The following KRAS variants were observed in gnomAD, a reference collection of about 807,000 sequenced individuals.
The protein encoded by KRAS is KRas proto-oncogene, GTPase.
Under a neutral mutation model 21.0 loss-of-function variants are expected in KRAS, and 1 was observed. The observed-to-expected ratio is 0.05, with a 90% CI of 0.02 to 0.23. The LOEUF (loss-of-function observed/expected upper bound fraction) is 0.23. Ranked by LOEUF, KRAS falls within the 10% of genes least tolerant of loss-of-function variation. The probability of loss-of-function intolerance (pLI) is 1.00; values close to 1 mark genes in which losing one functional copy is unlikely to be tolerated. For missense variants in KRAS, 107 were observed against 221.8 expected, an observed-to-expected ratio of 0.48 and a Z score of 3.29; for synonymous variants, 67 against 72.5, an observed-to-expected ratio of 0.92 and a Z score of 0.39.
chr12:25,206,772 C>T lies in KRAS; in HGVS notation c.*3023G>A, dbSNP rs759132522. 5 of 196,376 alleles carry T rather than the reference C, an allele frequency of 2.5e-5. No homozygotes were observed. Among genetic ancestry groups the T allele is most frequent in the Non-Finnish European group, 4.2e-5 (4 of 94,848 alleles). 12.2% of individuals were successfully genotyped at this position (196,376 alleles called of 1,614,324 possible). On this transcript the variant is annotated 3_prime_UTR_variant, in exon 5 of 5. Transcript: ENST00000311936. Reference sequence around the variant, plus strand: ...CTTGTCTGTGAACTAGTTCAGGCACCTGTTTATTTGTACCCAGATAAAACT... The same window carrying T: ...CTTGTCTGTGAACTAGTTCAGGCACTTGTTTATTTGTACCCAGATAAAACT...
At chr12:25,221,242 T>C (rs117735185) in intron 4 of KRAS, among the ~76,000 whole-genome samples, 7,016 of 151,526 alleles carry the variant, frequency 0.046, 232 homozygotes, top group Non-Finnish European at 0.072. Flanking sequence ...GCCTTTTTTT[T>C]TTTTTTTTGA....
chr12:25,227,929 C>T (rs1004538429), intron 2 of KRAS, among the ~76,000 whole-genome samples: 3 of 151,994 alleles, frequency 2.0e-5, no homozygotes, highest in Admixed American at 1.3e-4. Flanking sequence ...TTATAATACC[C>T]AAAATGTGGA....
intron 1 of KRAS, among the ~76,000 whole-genome samples, chr12:25,247,293 A>C (rs1951696776): frequency 6.6e-6 from 1 of 152,200 alleles, no homozygotes; most frequent in Non-Finnish European, 1.5e-5. Context: ...CAAAATAATA[A>C]TTTGGTTTCC....
At chr12:25,234,076 A>G (rs1951512834) in intron 2 of KRAS, 1 of 180,894 alleles carries the variant, frequency 5.5e-6, no homozygotes, top group Non-Finnish European at 1.2e-5. Context: ...TTAGAAAAAC[A>G]AGCACATGTT....
chr12:25,250,074 G>A (rs547747610), intron 1 of KRAS, among the ~76,000 whole-genome samples: 6 of 152,184 alleles, frequency 3.9e-5, no homozygotes, highest in Admixed American at 1.3e-4. Flanking sequence ...ATGGGGGAGG[G>A]GAGCATTCAG....
chr12:25,246,131 G>T (rs1372412537), intron 1 of KRAS, among the ~76,000 whole-genome samples: 1 of 121,960 alleles, frequency 8.2e-6, no homozygotes, highest in Non-Finnish European at 1.6e-5. Flanking sequence ...CCTGGCGATA[G>T]AGCAAGACTC....
intron 2 of KRAS, 110 bp from the exon 3 acceptor site, chr12:25,227,522 C>A: frequency 1.1e-6 from 1 of 917,192 alleles, no homozygotes; most frequent in Non-Finnish European, 1.7e-6. Context: ...GGGCAAAGGA[C>A]TTGAAAAGAC....
Position 25,209,436 on chromosome 12 carries a change from G to C in KRAS, c.*359C>G. 2.8e-6 allele frequency: 3 copies of C among 1,071,438 alleles called. No individual in the cohort carries two copies. The allele number at this position is 1,071,438 out of a possible 1,614,324, so 66.4% of individuals were successfully genotyped here. On this transcript the variant is annotated 3_prime_UTR_variant, in exon 5 of 5. Coordinates refer to ENST00000311936, the MANE Select transcript of KRAS (RefSeq NM_004985.5). The stretch of plus-strand genomic sequence containing the variant: ...CATTTATGTGACTAGATAAAACACA[G>C]AATAGGGATGATTCAAAAGCTTCAT...
Position 25,209,571 on chromosome 12 carries a change from C to T in KRAS, c.*224G>A. ...TCTTAGGTATTCAGTTTCTTTTTCA[C>T]AGGCATTGCTAGTTCAAAAACCAAA... On this transcript the variant is annotated 3_prime_UTR_variant, in exon 5 of 5. Transcript: ENST00000311936. The T allele has an allele frequency of 7.5e-7, 1 of 1,329,128 alleles. No homozygotes were observed. The highest frequency in any genetic ancestry group is 9.6e-7 in the Non-Finnish European group (1 of 1,043,018). The allele number at this position is 1,329,128 out of a possible 1,614,324, so 82.3% of individuals were successfully genotyped here.
rs77870312 is a variant in KRAS, at chr12:25,230,869, T to G, written c.112-3457A>C. Among the ~76,000 whole-genome samples the G allele has an allele frequency of 1.4e-3, 212 of 152,270 alleles. 1 individual carries two copies. Among genetic ancestry groups the G allele is most frequent in the African/African-American group, 5.0e-3 (206 of 41,560 alleles). On this transcript the variant is annotated intron_variant, in intron 2 of 4. Transcript: ENST00000311936. ...AAATAAGAGGCTCTTTAGTAGAGATTTGAGCATTCAGTTGACATTTACTTA... is the reference window on the plus strand; with the variant it reads ...AAATAAGAGGCTCTTTAGTAGAGATGTGAGCATTCAGTTGACATTTACTTA...
chr12:25,221,024 C>CAAAAAAAAAAAA (rs67015511), intron 4 of KRAS, among the ~76,000 whole-genome samples: 1 of 84,812 alleles, frequency 1.2e-5, no homozygotes, highest in Non-Finnish European at 2.2e-5. Flanking sequence ...GACTCTGCCT[C>CAAAAAAAAAAAA]AAAAAAAAAA....
chr12:25,210,897 A>G (rs1167490777), intron 4 of KRAS: 1 of 146,532 alleles, frequency 6.8e-6, no homozygotes, highest in Non-Finnish European at 1.5e-5. Flanking sequence ...TAGATTTTAA[A>G]CCTGCAGTAC....
intron 1 of KRAS, among the ~76,000 whole-genome samples, chr12:25,249,752 T>G (rs544927882): frequency 6.6e-6 from 1 of 151,914 alleles, no homozygotes; most frequent in African/African-American, 2.4e-5. Flanking sequence ...AAAATGAGGG[T>G]AGTATAAAAG....
At position 25,209,215 on chromosome 12, in the gene KRAS, GA is replaced by G; in HGVS notation, c.*579del. On this transcript the variant is annotated 3_prime_UTR_variant, in exon 5 of 5. Transcript: ENST00000311936. Reference sequence around the variant, plus strand: ...TATAGAAAAAATATAATATTTTGGGGAGAGTGACCATGACTAATAGCAGTGG... The same window carrying G: ...TATAGAAAAAATATAATATTTTGGGGGAGTGACCATGACTAATAGCAGTGG... 1 of 679,814 alleles carries G rather than the reference GA, an allele frequency of 1.5e-6. No homozygotes were observed. The highest frequency in any genetic ancestry group is 1.8e-5 in the African/African-American group (1 of 56,514). The allele number at this position is 679,814 out of a possible 1,614,324, so 42.1% of individuals were successfully genotyped here.
At chr12:25,211,507 G>C (rs1027679751) in intron 4 of KRAS, among the ~76,000 whole-genome samples, 12 of 152,042 alleles carry the variant, frequency 7.9e-5, no homozygotes, top group African/African-American at 2.9e-4. Context: ...CCGGAGAGGC[G>C]AAGTGCATTG....
At chr12:25,226,446 C>T (rs1951392722) in intron 3 of KRAS, among the ~76,000 whole-genome samples, 1 of 152,174 alleles carries the variant, frequency 6.6e-6, no homozygotes, top group Admixed American at 6.5e-5. Flanking sequence ...ACACCATTAG[C>T]TGGGTAAACT....
chr12:25,242,361 A>G (rs1256299116), intron 2 of KRAS, among the ~76,000 whole-genome samples: 3 of 151,930 alleles, frequency 2.0e-5, no homozygotes, highest in Non-Finnish European at 4.4e-5. Context: ...TTTTAAAACG[A>G]GACTTTTCCT....
intron 4 of KRAS, among the ~76,000 whole-genome samples, chr12:25,212,635 G>A (rs1458965982): frequency 6.6e-6 from 1 of 152,048 alleles, no homozygotes; most frequent in Non-Finnish European, 1.5e-5. Flanking sequence ...CCTACACAGA[G>A]CAATGAATTC....
intron 4 of KRAS, among the ~76,000 whole-genome samples, chr12:25,218,912 G>T (rs1449131103): frequency 1.0e-4 from 11 of 109,362 alleles, no homozygotes; most frequent in East Asian, 5.6e-4. Context: ...TTTTGTGGGG[G>T]TTTTTTGTTT....
Sources: allele counts gnomAD v4.1 joint callset (sites outside exome capture counted in the v4.1 genomes callset), GRCh38; gene constraint gnomAD v4.1.1; transcripts MANE v1.5; gene names NCBI Gene and HGNC (gene_info 2026-07-23, HGNC 2026-07-21).